The following ZEB1 variants were observed in gnomAD, a reference collection of about 807,000 sequenced individuals.
The protein encoded by ZEB1 is zinc finger E-box binding homeobox 1, also known as zinc finger E-box-binding homeobox 1.
ZEB1 carries 21 observed loss-of-function variants against 84.9 expected under a neutral mutation model. The ratio of observed to expected loss-of-function variants is 0.25; its 90% CI spans 0.18 to 0.36. ZEB1 has a LOEUF of 0.36. Ranked by LOEUF, ZEB1 falls within the 10% of genes least tolerant of loss-of-function variation. The probability of loss-of-function intolerance (pLI) is 1.00; values close to 1 mark genes in which losing one functional copy is unlikely to be tolerated. For synonymous variants in ZEB1, 420 were observed against 471.1 expected (o/e 0.89, Z 1.41); for missense variants, 1,104 against 1,330.2 (o/e 0.83, Z 2.65).
intron 1 of ZEB1, among the ~76,000 whole-genome samples, chr10:31,413,170 A>C (rs1006954726): frequency 2.0e-5 from 3 of 152,232 alleles, no homozygotes; most frequent in African/African-American, 7.2e-5. Flanking sequence ...AGTAAATATA[A>C]TATCTGTTCA....
intron 1 of ZEB1, among the ~76,000 whole-genome samples, chr10:31,398,358 G>T (rs1472889795): frequency 1.3e-5 from 2 of 151,954 alleles, no homozygotes; most frequent in African/African-American, 4.8e-5. Flanking sequence ...GAGATACTAT[G>T]ATTCTAAATT....
At chr10:31,418,843 A>T (rs1468736207) in intron 1 of ZEB1, among the ~76,000 whole-genome samples, 3 of 152,104 alleles carry the variant, frequency 2.0e-5, no homozygotes, top group African/African-American at 7.2e-5. Flanking sequence ...AAAATCTGAA[A>T]CTTGTTGAGT....
intron 1 of ZEB1, among the ~76,000 whole-genome samples, chr10:31,344,876 T>G (rs1215916638): frequency 6.6e-6 from 1 of 152,120 alleles, no homozygotes; most frequent in African/African-American, 2.4e-5. Context: ...ATCAGCAGTT[T>G]AGTGATTAAA....
chr10:31,378,589 AAAG>A (rs1312455218), intron 1 of ZEB1, among the ~76,000 whole-genome samples: 1 of 151,750 alleles, frequency 6.6e-6, no homozygotes, highest in Non-Finnish European at 1.5e-5. Flanking sequence ...CAATGATATG[AAAG>A]AAGACAAGTT....
At chr10:31,443,092 A>C (rs1252774773) in intron 1 of ZEB1, among the ~76,000 whole-genome samples, 2 of 152,198 alleles carry the variant, frequency 1.3e-5, no homozygotes, top group Admixed American at 6.5e-5. Context: ...GTGAGAAGTG[A>C]TTATAAAAAT....
At chr10:31,479,497 A>G (rs965874555) in intron 2 of ZEB1, among the ~76,000 whole-genome samples, 9 of 151,936 alleles carry the variant, frequency 5.9e-5, no homozygotes, top group African/African-American at 1.9e-4. Flanking sequence ...AAAAATCCTC[A>G]ACAAGATAAT....
Position 31,520,494 on chromosome 10 carries a change from C to A in ZEB1, c.1162C>A (p.Pro388Thr), listed in dbSNP as rs2072083679. ...TGGCCCATTACAGGCAACCAGTTCT[C>A]CTCAGGGCATGGTGCAAGCTGTTGT... is the stretch of plus-strand genomic sequence containing the variant. ...GGGPLQATSS[P>T]QGMVQAVVLP... The change falls in exon 7 of 9, where the codon CCT (proline) becomes ACT (threonine). Residue 388 changes from proline (P) to threonine (T), a missense_variant. By Grantham distance (38) the Pro-to-Thr change is conservative (BLOSUM62 -1). Transcript: ENST00000424869. The surrounding 1 kb of genome is among the most constrained non-coding windows in gnomAD (Gnocchi z 5.1). 6.2e-7 allele frequency: 1 copy of A among 1,613,852 alleles called. No individual in the cohort carries two copies. The highest frequency in any genetic ancestry group is 8.5e-7 in the Non-Finnish European group (1 of 1,179,900).
At chr10:31,396,372 A>T (rs2050728958) in intron 1 of ZEB1, among the ~76,000 whole-genome samples, 1 of 152,240 alleles carries the variant, frequency 6.6e-6, no homozygotes. Context: ...CTGTTTTAAT[A>T]GTGTTTACAA....
chr10:31,437,171 G>T (rs12217770), intron 1 of ZEB1, among the ~76,000 whole-genome samples: 1,945 of 152,154 alleles, frequency 0.013, 48 homozygotes, highest in South Asian at 0.075. Context: ...ATATAATTAG[G>T]TAAGGATTCT....
intron 2 of ZEB1, among the ~76,000 whole-genome samples, chr10:31,477,249 T>C (rs1231827698): frequency 6.6e-6 from 1 of 152,036 alleles, no homozygotes; most frequent in East Asian, 1.9e-4. Flanking sequence ...TTCTGTATAC[T>C]GTTACTGAAT....
chr10:31,421,403 T>C (rs912355541), intron 1 of ZEB1, among the ~76,000 whole-genome samples: 4 of 152,136 alleles, frequency 2.6e-5, no homozygotes, highest in Admixed American at 6.6e-5. Context: ...AATACATTCT[T>C]ACAATTTAAG....
At position 31,527,109 on chromosome 10, in the gene ZEB1, G is replaced by A; in HGVS notation, c.3223G>A (p.Glu1075Lys). 1 of 1,602,514 alleles carries A rather than the reference G, an allele frequency of 6.2e-7. No individual in the cohort carries two copies. Among genetic ancestry groups the A allele is most frequent in the Non-Finnish European group, 8.5e-7 (1 of 1,173,876 alleles). The change falls in exon 9 of 9, where the codon GAA becomes AAA. Residue 1075 changes from glutamate (E) to lysine (K), a missense_variant. Glu to Lys is a moderately conservative substitution (Grantham distance 56, BLOSUM62 1). Coordinates refer to ENST00000424869, the MANE Select transcript of ZEB1 (RefSeq NM_001174096.2). ...EEEEEEEEVE[E>K]EEVEEAENEG... Reference sequence around the variant, plus strand: ...GGAGGAGGAGGAGGAAGAAGTGGAAGAAGAAGAGGTAGAAGAGGCAGAGAA... The same window carrying A: ...GGAGGAGGAGGAGGAAGAAGTGGAAAAAGAAGAGGTAGAAGAGGCAGAGAA...
intron 1 of ZEB1, among the ~76,000 whole-genome samples, chr10:31,378,955 G>A (rs1000587093): frequency 5.3e-5 from 8 of 151,996 alleles, no homozygotes; most frequent in African/African-American, 1.7e-4. Context: ...TTTTTAAGAG[G>A]AGCGTATAAA....
At chr10:31,414,260 T>A (rs2054815662) in intron 1 of ZEB1, among the ~76,000 whole-genome samples, 1 of 152,218 alleles carries the variant, frequency 6.6e-6, no homozygotes, top group Non-Finnish European at 1.5e-5. Flanking sequence ...TACTTGTTTT[T>A]TCTATCTTCT....
intron 1 of ZEB1, chr10:31,381,583 T>C (rs990042979): frequency 2.6e-5 from 4 of 152,210 alleles, no homozygotes; most frequent in Admixed American, 2.6e-4. Flanking sequence ...ATAGTGATTC[T>C]GTAATGAGAA....
chr10:31,463,959 A>T (rs925004817), intron 2 of ZEB1, among the ~76,000 whole-genome samples: 1 of 152,344 alleles, frequency 6.6e-6, no homozygotes, highest in East Asian at 1.9e-4. Context: ...GAGTTACGTC[A>T]TACAGATTTA....
intron 1 of ZEB1, among the ~76,000 whole-genome samples, chr10:31,380,452 G>C (rs1428605529): frequency 6.6e-6 from 1 of 152,110 alleles, no homozygotes; most frequent in African/African-American, 2.4e-5. Flanking sequence ...ATGTCTGCTT[G>C]TCATACTCTT....
intron 1 of ZEB1, chr10:31,363,574 G>A (rs2043798802): frequency 6.6e-7 from 1 of 1,525,378 alleles, no homozygotes; most frequent in African/African-American, 1.4e-5. Context: ...CACCTCTGTT[G>A]CTTCTTTGGG....
chr10:31,369,036 G>A (rs1160180253), intron 1 of ZEB1, among the ~76,000 whole-genome samples: 1 of 152,070 alleles, frequency 6.6e-6, no homozygotes. Context: ...TAAATCTAAA[G>A]TGTTTCAACT....
Sources: allele counts gnomAD v4.1 joint callset (sites outside exome capture counted in the v4.1 genomes callset), GRCh38; gene constraint gnomAD v4.1.1; non-coding constraint Gnocchi (gnomAD v3.1); transcripts MANE v1.5; gene names NCBI Gene and HGNC (gene_info 2026-07-23, HGNC 2026-07-21).